Variants in ALK observed in about 807,000 individuals in gnomAD.
ALK encodes ALK tyrosine kinase receptor.
In ALK, 74 loss-of-function variants were observed where a neutral mutation model predicts 163.1. The observed-to-expected ratio is 0.45, with a 90% confidence interval of 0.38 to 0.55. The LOEUF (loss-of-function observed/expected upper bound fraction) is 0.55, where lower values mean the gene tolerates loss of function less well. Ranked by LOEUF, ALK falls within the 20% of genes least tolerant of loss-of-function variation. The pLI, the probability that ALK is intolerant of heterozygous loss-of-function variation, is 0.00. For missense variants in ALK, 2,063 were observed against 2,105.3 expected, an observed-to-expected ratio of 0.98 and a Z score of 0.39; for synonymous variants, 960 against 843.2, an observed-to-expected ratio of 1.14 and a Z score of -2.40.
rs149425491 is a variant in ALK at position 29,226,855 on chromosome 2, C to T, written c.3067+67G>A. ...CCAGGGTGTTCTGGAACCCAGAAAC[C>T]ATTTGTGGTCATGGGCCAAATCTCA... On this transcript the variant is annotated intron_variant, in intron 18 of 28. Transcript: ENST00000389048. 212 of 1,598,446 alleles carry T rather than the reference C, an allele frequency of 1.3e-4. No individual in the cohort carries two copies. In the African/African-American group the frequency reaches 2.4e-3, roughly 18 times the overall value.
intron 3 of ALK, among the ~76,000 whole-genome samples, chr2:29,580,533 A>T (rs191107886): frequency 3.9e-4 from 60 of 152,246 alleles, no homozygotes; most frequent in Non-Finnish European, 2.6e-4. Flanking sequence ...GCTTTCTCCC[A>T]GTTTGACTGG....
rs190600282 is a variant in ALK, at chr2:29,726,139, C to T, written c.668-8442G>A. ...ACAGCAAATATCACTCTCCAGGTGG[C>T]CTGATTCTTAACACACCCGCACTCC... On this transcript the variant is annotated intron_variant, in intron 1 of 28. Transcript: ENST00000389048. 3.3e-5 allele frequency among the ~76,000 whole-genome samples: 5 copies of T among 152,240 alleles called. No homozygotes were observed. In the East Asian group the frequency reaches 5.8e-4, roughly 18 times the overall value.
At chr2:29,584,039 C>A (rs1449822696) in intron 3 of ALK, among the ~76,000 whole-genome samples, 2 of 152,056 alleles carry the variant, frequency 1.3e-5, no homozygotes, top group Non-Finnish European at 2.9e-5. Context: ...CATAAGGGAG[C>A]AGAAGGCTAA....
intron 4 of ALK, among the ~76,000 whole-genome samples, chr2:29,508,758 A>G (rs1236412085): frequency 9.8e-6 from 1 of 102,214 alleles, no homozygotes; most frequent in East Asian, 2.6e-4. Context: ...AAAAAAAAAA[A>G]GAAATCCAGA....
chr2:29,817,832 G>A (rs1381492003), intron 1 of ALK, among the ~76,000 whole-genome samples: 1 of 152,208 alleles, frequency 6.6e-6, no homozygotes, highest in Non-Finnish European at 1.5e-5. Flanking sequence ...TCGGAACTTA[G>A]AGCTGGAGGC....
At chr2:29,423,441 G>A (rs1036311107) in intron 4 of ALK, among the ~76,000 whole-genome samples, 2 of 152,202 alleles carry the variant, frequency 1.3e-5, no homozygotes, top group Non-Finnish European at 2.9e-5. Flanking sequence ...ACTGGGGAGC[G>A]AAGGCTTAGA....
chr2:29,776,433 G>C (rs377684661), intron 1 of ALK, among the ~76,000 whole-genome samples: 1 of 22,904 alleles, frequency 4.4e-5, no homozygotes, highest in African/African-American at 5.7e-5. Flanking sequence ...ACGATAGTTT[G>C]AAAACAGCCT....
intron 2 of ALK, among the ~76,000 whole-genome samples, chr2:29,709,623 C>T (rs1041427133): frequency 1.2e-4 from 19 of 152,096 alleles, no homozygotes; most frequent in African/African-American, 4.1e-4. Context: ...CACCAAGTAG[C>T]GGGGAGACAC....
intron 1 of ALK, among the ~76,000 whole-genome samples, chr2:29,900,979 A>AAG (rs372397564): frequency 5.9e-4 from 86 of 146,802 alleles, no homozygotes; most frequent in South Asian, 4.7e-3. Context: ...GAAAGAAAGA[A>AAG]AGAGAGAGAG....
intron 2 of ALK, among the ~76,000 whole-genome samples, chr2:29,710,497 T>C (rs1386304124): frequency 9.3e-6 from 1 of 107,168 alleles, no homozygotes; most frequent in Non-Finnish European, 1.8e-5. Flanking sequence ...TCAGTCTGTG[T>C]GCGTGTGTGT....
intron 5 of ALK, among the ~76,000 whole-genome samples, chr2:29,339,361 G>C (rs1254032535): frequency 1.3e-5 from 2 of 152,176 alleles, no homozygotes; most frequent in South Asian, 4.1e-4. Flanking sequence ...CAAGGCTGGG[G>C]GTGTGAAAGG....
At chr2:29,825,730 G>A (rs569737444) in intron 1 of ALK, among the ~76,000 whole-genome samples, 7 of 151,396 alleles carry the variant, frequency 4.6e-5, no homozygotes, top group South Asian at 2.1e-4. Context: ...TTTTTAAATC[G>A]TTGTGTACCA....
chr2:29,373,867 C>T (rs1668691166), intron 5 of ALK, among the ~76,000 whole-genome samples: 1 of 152,160 alleles, frequency 6.6e-6, no homozygotes, highest in Non-Finnish European at 1.5e-5. Context: ...AGGATTACTC[C>T]TTTGTGTGGC....
At chr2:29,391,148 A>G (rs1405068257) in intron 4 of ALK, among the ~76,000 whole-genome samples, 2 of 151,990 alleles carry the variant, frequency 1.3e-5, no homozygotes, top group Non-Finnish European at 2.9e-5. Context: ...TTCATCAGAG[A>G]TGTTATGTGG....
At chr2:29,330,169 C>G (rs1234521968) in intron 5 of ALK, among the ~76,000 whole-genome samples, 1 of 152,186 alleles carries the variant, frequency 6.6e-6, no homozygotes, top group African/African-American at 2.4e-5. Context: ...CATATCTGAG[C>G]CCTTTCACCT....
At chr2:29,549,575 T>C (rs977269096) in intron 3 of ALK, among the ~76,000 whole-genome samples, 3 of 152,194 alleles carry the variant, frequency 2.0e-5, no homozygotes, top group Admixed American at 6.5e-5. Context: ...TTTAATTAAT[T>C]TAAGTTTAAG....
At chr2:29,208,640 C>T (rs1669378206) in intron 25 of ALK, among the ~76,000 whole-genome samples, 1 of 152,076 alleles carries the variant, frequency 6.6e-6, no homozygotes, top group Admixed American at 6.5e-5. Flanking sequence ...GCATGCTCAC[C>T]CCTGTGGGGA....
intron 3 of ALK, among the ~76,000 whole-genome samples, chr2:29,636,802 C>A (rs1439918366): frequency 6.6e-6 from 1 of 152,058 alleles, no homozygotes; most frequent in Non-Finnish European, 1.5e-5. Flanking sequence ...CACATTGTAT[C>A]AAAAAGGATA....
chr2:29,288,630 G>C (rs1339090858), intron 9 of ALK, among the ~76,000 whole-genome samples: 1 of 152,146 alleles, frequency 6.6e-6, no homozygotes, highest in Non-Finnish European at 1.5e-5. Context: ...CATGGTGTTT[G>C]GAAAAGGGTG....
Sources: allele counts gnomAD v4.1 joint callset (sites outside exome capture counted in the v4.1 genomes callset), GRCh38; gene constraint gnomAD v4.1.1; transcripts MANE v1.5; gene names NCBI Gene and HGNC (gene_info 2026-07-23, HGNC 2026-07-21).